The following CTNNA3 variants were observed in gnomAD, a reference collection of about 807,000 sequenced individuals.
CTNNA3 encodes the protein catenin alpha 3, also known as catenin alpha-3.
A neutral mutation model predicts 95.7 loss-of-function variants in CTNNA3; 76 were observed. The observed-to-expected ratio is 0.79, with a 90% CI of 0.66 to 0.96. CTNNA3 has a LOEUF of 0.96. Ranked by LOEUF, CTNNA3 falls within the 40% of genes least tolerant of loss-of-function variation. The pLI is 0.00. For synonymous variants in CTNNA3, 431 were observed against 374.4 expected (o/e 1.15, Z -1.74); for missense variants, 1,191 against 1,089.8 (o/e 1.09, Z -1.31).
chr10:66,199,605 TG>T (rs1363019909), intron 13 of CTNNA3, among the ~76,000 whole-genome samples: 1 of 150,650 alleles, frequency 6.6e-6, no homozygotes, highest in Admixed American at 6.6e-5. Flanking sequence ...TTTGTTTGTT[TG>T]TTTTTTTGTT....
At chr10:67,671,358 T>C (rs1373660602) in intron 1 of CTNNA3, among the ~76,000 whole-genome samples, 1 of 152,142 alleles carries the variant, frequency 6.6e-6, no homozygotes, top group Non-Finnish European at 1.5e-5. Context: ...TTCTTTTTTC[T>C]TAATTTTATT....
chr10:67,234,265 T>A (rs890529816), intron 5 of CTNNA3, among the ~76,000 whole-genome samples: 1 of 152,186 alleles, frequency 6.6e-6, no homozygotes, highest in African/African-American at 2.4e-5. Flanking sequence ...AAATCCTGAA[T>A]AAAATACTGG....
intron 12 of CTNNA3, among the ~76,000 whole-genome samples, chr10:66,337,630 C>T (rs1035657365): frequency 1.3e-5 from 2 of 152,024 alleles, no homozygotes; most frequent in East Asian, 3.9e-4. Flanking sequence ...AAACTTGTTG[C>T]ATGAGCACAT....
intron 1 of CTNNA3, among the ~76,000 whole-genome samples, chr10:67,757,515 G>T (rs192506380): frequency 3.3e-5 from 5 of 152,180 alleles, no homozygotes; most frequent in African/African-American, 9.7e-5. Context: ...TGCTAATGCG[G>T]CTAGAATAAA....
chr10:67,537,501 A>G (rs775854731), intron 4 of CTNNA3, among the ~76,000 whole-genome samples: 7 of 152,202 alleles, frequency 4.6e-5, no homozygotes, highest in Non-Finnish European at 7.3e-5. Flanking sequence ...TTGATCTACA[A>G]TGCCATCCTG....
chr10:66,310,730 AGGC>A (rs2092007597), intron 12 of CTNNA3, among the ~76,000 whole-genome samples: 2 of 143,064 alleles, frequency 1.4e-5, no homozygotes, highest in Non-Finnish European at 3.0e-5. Flanking sequence ...TCTGTCTCCC[AGGC>A]TGGAGTGCAG....
chr10:67,620,805 A>G (rs1347163538), intron 2 of CTNNA3, among the ~76,000 whole-genome samples: 7 of 152,086 alleles, frequency 4.6e-5, no homozygotes, highest in South Asian at 2.1e-4. Flanking sequence ...GTTTCCTAAA[A>G]GAAAAAACTC....
At chr10:67,748,346 G>A (rs960511174) in intron 1 of CTNNA3, among the ~76,000 whole-genome samples, 6 of 152,066 alleles carry the variant, frequency 3.9e-5, no homozygotes, top group African/African-American at 7.2e-5. Context: ...GTTAAGGGCA[G>A]CCAGAGAAAA....
intron 14 of CTNNA3, among the ~76,000 whole-genome samples, chr10:66,099,591 T>C (rs1265957776): frequency 6.6e-6 from 1 of 152,132 alleles, no homozygotes; most frequent in Non-Finnish European, 1.5e-5. Flanking sequence ...TGGCCATCTG[T>C]CTCATAAACT....
chr10:67,105,446 A>T (rs924483297), intron 7 of CTNNA3, among the ~76,000 whole-genome samples: 1 of 152,150 alleles, frequency 6.6e-6, no homozygotes, highest in Non-Finnish European at 1.5e-5. Flanking sequence ...CTTCAACCAT[A>T]TGAGTAATTA....
At chr10:67,124,190 T>C (rs988014898) in intron 7 of CTNNA3, among the ~76,000 whole-genome samples, 1 of 152,178 alleles carries the variant, frequency 6.6e-6, no homozygotes, top group East Asian at 1.9e-4. Context: ...AATTCCAAAA[T>C]TGACATAATG....
At chr10:67,146,031 T>G (rs1860826920) in intron 7 of CTNNA3, among the ~76,000 whole-genome samples, 1 of 152,164 alleles carries the variant, frequency 6.6e-6, no homozygotes, top group Non-Finnish European at 1.5e-5. Flanking sequence ...TACTGGGTAT[T>G]GTACTGAATC....
At chr10:66,086,366 C>G (rs528189521) in intron 14 of CTNNA3, among the ~76,000 whole-genome samples, 1 of 152,212 alleles carries the variant, frequency 6.6e-6, no homozygotes, top group Admixed American at 6.5e-5. Flanking sequence ...TTACTGCAGA[C>G]TCAACACAAA....
chr10:66,018,747 G>A (rs181209738), intron 15 of CTNNA3, among the ~76,000 whole-genome samples: 37 of 152,100 alleles, frequency 2.4e-4, no homozygotes, highest in Non-Finnish European at 4.0e-4. Flanking sequence ...TGAGAGGGTG[G>A]AGCAAGAAAA....
At chr10:66,414,148 C>T (rs1299468946) in intron 11 of CTNNA3, among the ~76,000 whole-genome samples, 2 of 152,080 alleles carry the variant, frequency 1.3e-5, no homozygotes, top group African/African-American at 2.4e-5. Flanking sequence ...ATGTTTAAAA[C>T]AAATGCTCTG....
chr10:66,089,233 G>A (rs2081116831), intron 14 of CTNNA3, among the ~76,000 whole-genome samples: 1 of 151,548 alleles, frequency 6.6e-6, no homozygotes, highest in Non-Finnish European at 1.5e-5. Flanking sequence ...TATGTTGCTG[G>A]AACTCAGGAG....
At chr10:67,130,804 C>T (rs955254424) in intron 7 of CTNNA3, among the ~76,000 whole-genome samples, 6 of 151,982 alleles carry the variant, frequency 3.9e-5, no homozygotes, top group Admixed American at 6.6e-5. Flanking sequence ...ACCTGGTAGA[C>T]GATATCCAAC....
At chr10:67,472,945 T>G (rs1016543025) in intron 5 of CTNNA3, among the ~76,000 whole-genome samples, 2 of 152,194 alleles carry the variant, frequency 1.3e-5, no homozygotes, top group African/African-American at 4.8e-5. Context: ...CACGTTCCCC[T>G]TTTACCTTTC....
At chr10:67,019,034 A>G (rs952501431) in intron 7 of CTNNA3, among the ~76,000 whole-genome samples, 2 of 152,192 alleles carry the variant, frequency 1.3e-5, no homozygotes, top group African/African-American at 4.8e-5. Flanking sequence ...TGTTCCATTC[A>G]CTATTACATA....
Sources: gnomAD v4.1 joint callset for allele counts (sites outside exome capture counted in the v4.1 genomes callset) on GRCh38, gnomAD v4.1.1 for gene constraint, MANE v1.5 for transcripts, NCBI Gene and HGNC (gene_info 2026-07-23, HGNC 2026-07-21) for gene names.